RXFP1: variants seen among roughly 807,000 people sequenced by gnomAD.
RXFP1 encodes the protein relaxin receptor 1.
RXFP1 carries 73 observed loss-of-function variants against 89.8 expected under a neutral mutation model. The ratio of observed to expected loss-of-function variants is 0.81; its 90% CI spans 0.67 to 0.99. The LOEUF (loss-of-function observed/expected upper bound fraction) is 0.99. Among genes scored for constraint, RXFP1 ranks in the 50% least tolerant of loss-of-function variants. The pLI is 0.00. For missense variants in RXFP1, 793 were observed against 895.5 expected (o/e 0.89, Z 1.46); for synonymous variants, 277 against 305.5 (o/e 0.91, Z 0.97).
intron 1 of RXFP1, among the ~76,000 whole-genome samples, chr4:158,557,457 AT>A (rs1300546604): frequency 2.0e-5 from 3 of 152,062 alleles, no homozygotes; most frequent in Non-Finnish European, 2.9e-5. Context: ...CAGTTAGAAA[AT>A]TTTTTAATTA....
At chr4:158,522,076 A>G in intron 1 of RXFP1, 51 bp downstream of exon 1, 1 of 1,078,722 alleles carries the variant, frequency 9.3e-7, no homozygotes, top group Non-Finnish European at 1.4e-6. Context: ...TTGTGGAATA[A>G]CCACAAGCAC....
chr4:158,531,693 A>G (rs556938958), intron 1 of RXFP1, among the ~76,000 whole-genome samples: 35 of 152,318 alleles, frequency 2.3e-4, no homozygotes, highest in South Asian at 8.3e-4. Flanking sequence ...AACATTAAGC[A>G]TACCAAATCC....
At chr4:158,572,593 T>C (rs1755316488) in intron 1 of RXFP1, 105 bp from the exon 2 acceptor site, 1 of 1,049,358 alleles carries the variant, frequency 9.5e-7, no homozygotes, top group Admixed American at 1.8e-5. Flanking sequence ...GTAGAAACCA[T>C]GATGAGAAAG....
rs181166016 is a variant in RXFP1, at chr4:158,544,558, C to G, written c.49+22533C>G. Reference sequence around the variant, plus strand: ...TGGTGTGCTGCACCCATTAACTTGTCATTTACATTAGGTATATACCCTAAT... The same window carrying G: ...TGGTGTGCTGCACCCATTAACTTGTGATTTACATTAGGTATATACCCTAAT... On this transcript the variant is annotated intron_variant, in intron 1 of 17. Transcript: ENST00000307765. Among the ~76,000 whole-genome samples, 9 of 152,024 alleles carry G rather than the reference C, an allele frequency of 5.9e-5. No homozygotes were observed. The East Asian group carries it at 1.7e-3, about 29-fold the overall frequency.
At chr4:158,559,324 T>A (rs1388955658) in intron 1 of RXFP1, among the ~76,000 whole-genome samples, 1 of 152,116 alleles carries the variant, frequency 6.6e-6, no homozygotes, top group East Asian at 1.9e-4. Flanking sequence ...AAAATAAAAT[T>A]CTAGTCAAAG....
chr4:158,543,742 T>C (rs1230758440), intron 1 of RXFP1: 1 of 983,468 alleles, frequency 1.0e-6, no homozygotes, highest in African/African-American at 1.8e-5. Flanking sequence ...GAATGAACTT[T>C]CAAACTTTTT....
At chr4:158,593,830 T>C (rs1760016928) in intron 3 of RXFP1, among the ~76,000 whole-genome samples, 1 of 152,168 alleles carries the variant, frequency 6.6e-6, no homozygotes, top group African/African-American at 2.4e-5. Context: ...CACTATAAAG[T>C]GTGATGTAAA....
rs140994663 is a variant in RXFP1, at chr4:158,645,779, C to A, written c.1345+641C>A. Among the ~76,000 whole-genome samples the A allele has an allele frequency of 5.5e-4, 84 of 152,240 alleles. 1 individual carries two copies. Among genetic ancestry groups the A allele is most frequent in the African/African-American group, 1.9e-3 (80 of 41,552 alleles). On this transcript the variant is annotated intron_variant, in intron 15 of 17. Transcript: ENST00000307765. The stretch of plus-strand genomic sequence containing the variant: ...TCCATGCTCCCTCAAGCAAGTAAAG[C>A]ATCAATCTACATGAGGTTCTACTTT...
At chr4:158,575,582 A>G (rs2150007937) in intron 2 of RXFP1, among the ~76,000 whole-genome samples, 1 of 152,270 alleles carries the variant, frequency 6.6e-6, no homozygotes, top group South Asian at 2.1e-4. Flanking sequence ...CATCCTTATG[A>G]GTCCTAAGGG....
Position 158,540,985 on chromosome 4 carries a change from A to G in RXFP1, c.49+18960A>G, listed in dbSNP as rs1746467853. On this transcript the variant is annotated intron_variant, in intron 1 of 17. Transcript: ENST00000307765. ...TTACCGGCAAGTAGATGTCATTAACAATATAATAGCCACCATGGCAATCCT... is the reference window on the plus strand; with the variant it reads ...TTACCGGCAAGTAGATGTCATTAACGATATAATAGCCACCATGGCAATCCT... Among the ~76,000 whole-genome samples, 6 of 152,214 alleles carry G rather than the reference A, an allele frequency of 3.9e-5. No homozygotes were observed. In the South Asian group the frequency reaches 1.2e-3, roughly 32 times the overall value.
In RXFP1 at chr4:158,652,276, A is replaced by G; in HGVS notation, c.*221A>G. 2 of 446,462 alleles carry G rather than the reference A, an allele frequency of 4.5e-6. No individual in the cohort carries two copies. Among genetic ancestry groups the G allele is most frequent in the Non-Finnish European group, 7.8e-6 (2 of 257,258 alleles). 27.7% of individuals were successfully genotyped at this position (446,462 alleles called of 1,614,324 possible). On this transcript the variant is annotated 3_prime_UTR_variant, in exon 18 of 18. Transcript: ENST00000307765. ...AGTAGACATTTTGCATAAGAAATTA[A>G]GAGAAATCTACTTCAGTAACATTCA...
At chr4:158,594,666 T>C (rs1270925630) in intron 3 of RXFP1, among the ~76,000 whole-genome samples, 1 of 152,204 alleles carries the variant, frequency 6.6e-6, no homozygotes, top group Admixed American at 6.5e-5. Context: ...TTTAATGGGT[T>C]AATTATGGTT....
In RXFP1 at chr4:158,652,006, G is replaced by A. The variant is rs1772840886; in HGVS notation, c.2225G>A (p.Cys742Tyr). 1 of 1,613,534 alleles carries A rather than the reference G, an allele frequency of 6.2e-7. No homozygotes were observed. The highest frequency in any genetic ancestry group is 1.7e-5 in the Admixed American group (1 of 59,922). The change falls in exon 18 of 18, where the codon TGT (cysteine) becomes TAT (tyrosine). Residue 742 changes from cysteine (C) to tyrosine (Y), a missense_variant. Transcript: ENST00000307765. ...AAGCCGGACCTTTTCACATACCCCT[G>A]TGAAATGTCACTGATTTCTCAATCA... ...LMKPDLFTYP[C>Y]EMSLISQSTR...
At chr4:158,566,955 G>C (rs958520754) in intron 1 of RXFP1, among the ~76,000 whole-genome samples, 8 of 152,234 alleles carry the variant, frequency 5.3e-5, no homozygotes, top group Non-Finnish European at 1.2e-4. Flanking sequence ...GAGAGGGGCA[G>C]GCAGGAACCA....
chr4:158,609,258 C>T (rs530360328), intron 6 of RXFP1, among the ~76,000 whole-genome samples: 38 of 152,346 alleles, frequency 2.5e-4, no homozygotes, highest in African/African-American at 8.7e-4. Flanking sequence ...CTATTTTCCA[C>T]AGCAACTGTA....
chr4:158,579,969 C>T (rs768224383), intron 2 of RXFP1, among the ~76,000 whole-genome samples: 5 of 152,090 alleles, frequency 3.3e-5, no homozygotes, highest in African/African-American at 4.8e-5. Context: ...TTTATTATTC[C>T]CACAGGTTCT....
In RXFP1 at chr4:158,623,502, C is replaced by CAAAAAAAAAAAAAAAAA. The variant is rs56692438; in HGVS notation, c.756-3310_756-3294dup. 3.6e-3 allele frequency among the ~76,000 whole-genome samples: 153 copies of CAAAAAAAAAAAAAAAAA among 42,630 alleles called. 11 individuals are homozygous for CAAAAAAAAAAAAAAAAA. The highest frequency in any genetic ancestry group is 5.0e-3 in the Non-Finnish European group (103 of 20,612). 28.0% of individuals were successfully genotyped at this position (42,630 alleles called of 152,430 possible). A position where few individuals can be genotyped will look rare whatever the true frequency, so the allele number is the denominator to read the frequency against. On this transcript the variant is annotated intron_variant, in intron 9 of 17. Coordinates refer to ENST00000307765, the MANE Select transcript of RXFP1 (RefSeq NM_021634.4). ...GGGCAACAAGAGTGAAACTCCATCT[C>CAAAAAAAAAAAAAAAAA]AAAAAAAAAAAAAAAAAAAAAAAAG...
chr4:158,529,244 T>TTTTTTTTG (rs756051922), intron 1 of RXFP1, among the ~76,000 whole-genome samples: 4 of 109,994 alleles, frequency 3.6e-5, no homozygotes, highest in Admixed American at 3.3e-4. Flanking sequence ...TTGCTTGTTT[T>TTTTTTTTG]TTGTTGTTGT....
At chr4:158,575,464 C>T (rs138487439) in intron 2 of RXFP1, among the ~76,000 whole-genome samples, 1 of 152,222 alleles carries the variant, frequency 6.6e-6, no homozygotes, top group East Asian at 1.9e-4. Flanking sequence ...ATGCTTGTGT[C>T]CCCCATAAAG....
Sources: allele counts gnomAD v4.1 joint callset (sites outside exome capture counted in the v4.1 genomes callset), GRCh38; gene constraint gnomAD v4.1.1; transcripts MANE v1.5; gene names NCBI Gene and HGNC (gene_info 2026-07-23, HGNC 2026-07-21).